Variants in LUZP2 observed in about 807,000 individuals in gnomAD.
LUZP2 encodes leucine zipper protein 2.
LUZP2 carries 52 observed loss-of-function variants against 51.6 expected under a neutral mutation model. The ratio of observed to expected loss-of-function variants is 1.01; its 90% CI spans 0.81 to 1.27. The LOEUF (loss-of-function observed/expected upper bound fraction) is 1.27. Ranked by LOEUF, LUZP2 falls within the 50% of genes most tolerant of loss-of-function variation. The pLI, the probability that LUZP2 is intolerant of heterozygous loss-of-function variation, is 0.00. For missense variants in LUZP2, 436 were observed against 395.4 expected (o/e 1.10, Z -0.87); for synonymous variants, 154 against 137.3 (o/e 1.12, Z -0.85).
chr11:24,665,649 C>A (rs967343154), intron 1 of LUZP2, among the ~76,000 whole-genome samples: 3 of 152,152 alleles, frequency 2.0e-5, no homozygotes, highest in Admixed American at 6.5e-5. Flanking sequence ...ATTTGTCATG[C>A]GCTCGGATGG....
chr11:24,996,761 C>A (rs1317166164), intron 9 of LUZP2, among the ~76,000 whole-genome samples: 1 of 151,840 alleles, frequency 6.6e-6, no homozygotes, highest in Non-Finnish European at 1.5e-5. Flanking sequence ...TAAAGCTATC[C>A]CTCCCCCTCT....
intron 1 of LUZP2, among the ~76,000 whole-genome samples, chr11:24,513,517 G>GT (rs1377613270): frequency 4.6e-5 from 7 of 152,134 alleles, no homozygotes; most frequent in African/African-American, 1.7e-4. Flanking sequence ...CTTTAAAATT[G>GT]TGTTGCTGTT....
chr11:24,857,850 C>A (rs1056350928), intron 5 of LUZP2, among the ~76,000 whole-genome samples: 1 of 152,074 alleles, frequency 6.6e-6, no homozygotes, highest in Non-Finnish European at 1.5e-5. Context: ...TAACTGGTTT[C>A]CATGTAACCT....
At position 24,926,272 on chromosome 11, in the gene LUZP2, C is replaced by CGT. The variant is rs764145247; in HGVS notation, c.522+11737_522+11738dup. ...ATATATACGTGTGTGTATATATATA[C>CGT]GTGTATATATATATACGTGTGTATA... On this transcript the variant is annotated intron_variant, in intron 7 of 11. Coordinates refer to ENST00000336930, the MANE Select transcript of LUZP2 (RefSeq NM_001009909.4). 2.5e-3 allele frequency among the ~76,000 whole-genome samples: 46 copies of CGT among 18,460 alleles called. 3 individuals are homozygous for CGT. Among genetic ancestry groups the CGT allele is most frequent in the African/African-American group, 5.1e-3 (29 of 5,648 alleles). The allele number at this position is 18,460 out of a possible 152,430, so 12.1% of individuals were successfully genotyped here. A position where few individuals can be genotyped will look rare whatever the true frequency, so the allele number is the denominator to read the frequency against.
intron 2 of LUZP2, among the ~76,000 whole-genome samples, chr11:24,729,963 G>A (rs751390987): frequency 3.4e-4 from 52 of 151,788 alleles, no homozygotes; most frequent in Non-Finnish European, 7.2e-4. Flanking sequence ...ATTTTTGAAT[G>A]TTACAAAAGA....
intron 5 of LUZP2, among the ~76,000 whole-genome samples, chr11:24,904,449 A>AT (rs1219667679): frequency 2.0e-5 from 3 of 151,676 alleles, no homozygotes; most frequent in Non-Finnish European, 4.4e-5. Flanking sequence ...CGCCCGGCTA[A>AT]TTTTTTTGTA....
intron 7 of LUZP2, among the ~76,000 whole-genome samples, chr11:24,930,979 C>T (rs1854427699): frequency 6.6e-6 from 1 of 151,960 alleles, no homozygotes; most frequent in East Asian, 1.9e-4. Context: ...TTTGGGAAGC[C>T]AAGGTGGGTG....
At chr11:25,068,699 G>A (rs149938967) in intron 10 of LUZP2, among the ~76,000 whole-genome samples, 2 of 152,018 alleles carry the variant, frequency 1.3e-5, no homozygotes. Context: ...ACATAGACAT[G>A]TTACTGCAGG....
At chr11:24,497,349 G>T (rs751825693) in intron 1 of LUZP2, 44 bp downstream of exon 1, 15 of 1,432,080 alleles carry the variant, frequency 1.0e-5, no homozygotes, top group African/African-American at 4.4e-5. Context: ...GGGCGCTGCC[G>T]GGGCGAGGTT....
intron 5 of LUZP2, among the ~76,000 whole-genome samples, chr11:24,855,817 C>CA (rs1414303170): frequency 2.6e-5 from 4 of 152,072 alleles, no homozygotes; most frequent in Non-Finnish European, 5.9e-5. Flanking sequence ...ATATCCACAG[C>CA]AAACTAATGT....
intron 1 of LUZP2, among the ~76,000 whole-genome samples, chr11:24,680,669 C>T (rs1856703647): frequency 6.6e-6 from 1 of 152,138 alleles, no homozygotes; most frequent in Non-Finnish European, 1.5e-5. Context: ...AATAACAGTC[C>T]TTTATGTTCA....
intron 1 of LUZP2, among the ~76,000 whole-genome samples, chr11:24,583,647 AAAAT>A (rs1852952330): frequency 6.6e-6 from 1 of 152,126 alleles, no homozygotes; most frequent in Admixed American, 6.6e-5. Flanking sequence ...GTTTAGAAGA[AAAAT>A]AAAGCAGATT....
At chr11:24,618,667 G>A (rs1543012) in intron 1 of LUZP2, among the ~76,000 whole-genome samples, 68,487 of 152,046 alleles carry the variant, frequency 0.45, 17,182 homozygotes, top group East Asian at 0.58. Context: ...AAACAATTAC[G>A]CAGCATTTAC....
intron 9 of LUZP2, among the ~76,000 whole-genome samples, chr11:25,021,334 G>C (rs1470967892): frequency 1.3e-5 from 2 of 151,752 alleles, no homozygotes; most frequent in East Asian, 3.9e-4. Flanking sequence ...GGAAGTAGAA[G>C]AAATAGCCAT....
chr11:25,069,588 C>T (rs1449787338), intron 10 of LUZP2, among the ~76,000 whole-genome samples: 1 of 151,398 alleles, frequency 6.6e-6, no homozygotes, highest in Non-Finnish European at 1.5e-5. Context: ...GGTGTATAAA[C>T]TAATATATAC....
chr11:24,802,921 G>T (rs1163831129), intron 5 of LUZP2, among the ~76,000 whole-genome samples: 1 of 152,018 alleles, frequency 6.6e-6, no homozygotes. Flanking sequence ...TCTTCTACCA[G>T]ACGCTGAATC....
At chr11:24,933,069 C>T (rs563454250) in intron 7 of LUZP2, among the ~76,000 whole-genome samples, 1 of 152,194 alleles carries the variant, frequency 6.6e-6, no homozygotes, top group Non-Finnish European at 1.5e-5. Context: ...TCAAATCATT[C>T]TCCCATGATC....
intron 5 of LUZP2, among the ~76,000 whole-genome samples, chr11:24,880,010 G>A (rs1852408967): frequency 6.6e-6 from 1 of 152,160 alleles, no homozygotes; most frequent in South Asian, 2.1e-4. Context: ...TCTGAGCCCA[G>A]CTCAGCAATA....
intron 1 of LUZP2, among the ~76,000 whole-genome samples, chr11:24,563,089 G>C (rs1366867313): frequency 6.6e-6 from 1 of 152,144 alleles, no homozygotes; most frequent in Non-Finnish European, 1.5e-5. Context: ...AAAGTGAAAT[G>C]TGATGAAACT....
Sources: gnomAD v4.1 joint callset for allele counts (sites outside exome capture counted in the v4.1 genomes callset) on GRCh38, gnomAD v4.1.1 for gene constraint, MANE v1.5 for transcripts, NCBI Gene and HGNC (gene_info 2026-07-23, HGNC 2026-07-21) for gene names.